The following SLC6A6 variants were observed in gnomAD, a reference collection of about 807,000 sequenced individuals.
SLC6A6 encodes sodium- and chloride-dependent taurine transporter.
In SLC6A6, 16 loss-of-function variants were observed where a neutral mutation model predicts 68.8. The observed-to-expected ratio is 0.23, with a 90% confidence interval of 0.16 to 0.35. The LOEUF is 0.35. Ranked by LOEUF, SLC6A6 falls within the 10% of genes least tolerant of loss-of-function variation. The pLI is 1.00. For synonymous variants in SLC6A6, 312 were observed against 315.4 expected, an observed-to-expected ratio of 0.99 and a Z score of 0.12; for missense variants, 474 against 802.8, an observed-to-expected ratio of 0.59 and a Z score of 4.95.
In SLC6A6 at chr3:14,477,277, C is replaced by T. The variant is rs981370054; in HGVS notation, c.1282C>T (p.Arg428Trp). The change falls in exon 11 of 15, where the codon CGG becomes TGG. Residue 428 changes from arginine to tryptophan, a missense_variant. Physicochemically the swap from Arg to Trp is moderately radical, Grantham distance 101. Transcript: ENST00000622186. This position sits in a 1 kb window ranked among gnomAD's most constrained non-coding sequence, Gnocchi z 4.2. ...ATCCTTCCTAAGGAAGGGTTATCGT[C>T]GGGAAATCTTCATCGCCTTCGTGTG... ...YPSFLRKGYR[R>W]EIFIAFVCSI... The T allele has an allele frequency of 3.1e-6, 5 of 1,613,760 alleles. No individual in the cohort carries two copies. Among genetic ancestry groups the T allele is most frequent in the South Asian group, 1.1e-5 (1 of 91,080 alleles).
intron 2 of SLC6A6, among the ~76,000 whole-genome samples, chr3:14,439,304 T>C (rs1699929723): frequency 1.3e-5 from 2 of 152,240 alleles, no homozygotes; most frequent in Admixed American, 1.3e-4. Context: ...AATAGGAAAC[T>C]GTGTTCATAA....
chr3:14,447,961 CT>C, intron 5 of SLC6A6, 145 bp downstream of exon 5: 1 of 1,455,606 alleles, frequency 6.9e-7, no homozygotes, highest in Non-Finnish European at 9.0e-7. Flanking sequence ...AAATTTATGC[CT>C]TTGGCCATAG....
rs573442724 is a variant in SLC6A6, at chr3:14,450,265, T to C, written c.599+2449T>C. ...GGTCCTCAGGTTGGCCAGTCCTCAC[T>C]CACACCTTCCAGAGGGACCGGGCCC... On this transcript the variant is annotated intron_variant, in intron 5 of 14. Coordinates refer to ENST00000622186, the MANE Select transcript of SLC6A6 (RefSeq NM_003043.6). This position sits in a 1 kb window ranked among gnomAD's most constrained non-coding sequence, Gnocchi z 4.1. 5.9e-5 allele frequency among the ~76,000 whole-genome samples: 9 copies of C among 152,218 alleles called. No individual in the cohort carries two copies. Among genetic ancestry groups the C allele is most frequent in the Admixed American group, 5.2e-4 (8 of 15,288 alleles).
At chr3:14,451,930 G>A (rs768034200) in intron 5 of SLC6A6, among the ~76,000 whole-genome samples, 11 of 152,324 alleles carry the variant, frequency 7.2e-5, no homozygotes, top group Non-Finnish European at 1.6e-4. Flanking sequence ...CCCAGCCCCA[G>A]CTGTTGCTTC....
intron 6 of SLC6A6, among the ~76,000 whole-genome samples, chr3:14,462,567 C>T (rs1002877280): frequency 6.6e-6 from 1 of 152,044 alleles, no homozygotes; most frequent in Admixed American, 6.5e-5. Flanking sequence ...GGCATCGTGG[C>T]GCGTACCTGT....
In SLC6A6 at chr3:14,477,214, G is replaced by A. The variant is rs1482196989; in HGVS notation, c.1219G>A (p.Val407Ile). The A allele has an allele frequency of 6.2e-7, 1 of 1,612,912 alleles. No individual in the cohort carries two copies. The highest frequency in any genetic ancestry group is 2.2e-5 in the East Asian group (1 of 44,858). Residue 407 changes from valine (V) to isoleucine (I), a missense_variant, in exon 11 of 15, where the codon GTT becomes ATT. By Grantham distance (29) the Val-to-Ile change is conservative. Transcript: ENST00000622186. The surrounding 1 kb of genome is among the most constrained non-coding windows in gnomAD (Gnocchi z 4.2). ...CTCTTCCCCTCCTCAGTTTGTTGAA[G>A]TTGAAGGACAGATCACATCCTTGGT... ...LLGLDSQFVE[V>I]EGQITSLVDL... is the part of the protein sequence containing the mutation.
At chr3:14,457,320 CTG>C (rs1249016806) in intron 5 of SLC6A6, among the ~76,000 whole-genome samples, 1 of 152,194 alleles carries the variant, frequency 6.6e-6, no homozygotes, top group East Asian at 1.9e-4. Flanking sequence ...TAGGTGCCGG[CTG>C]TGTGCCTGAA....
At chr3:14,444,972 G>T (rs1223494046) in intron 3 of SLC6A6, 1 of 406,838 alleles carries the variant, frequency 2.5e-6, no homozygotes, top group East Asian at 7.2e-5. Context: ...CTTCCTAGCT[G>T]GTGCTTTTCT....
intron 14 of SLC6A6, among the ~76,000 whole-genome samples, chr3:14,484,125 G>T (rs759724831): frequency 6.6e-6 from 1 of 152,202 alleles, no homozygotes; most frequent in Non-Finnish European, 1.5e-5. Flanking sequence ...GGCAAGAGGT[G>T]GACTGGGGAG....
At chr3:14,439,382 T>G (rs1487491033) in intron 2 of SLC6A6, among the ~76,000 whole-genome samples, 2 of 152,230 alleles carry the variant, frequency 1.3e-5, no homozygotes, top group East Asian at 3.8e-4. Context: ...AAAGGGATAT[T>G]GTGGCAAGCC....
chr3:14,476,799 T>C (rs542352493), intron 10 of SLC6A6, among the ~76,000 whole-genome samples: 4 of 152,070 alleles, frequency 2.6e-5, no homozygotes, highest in African/African-American at 9.6e-5. Context: ...GTGAGGGAGG[T>C]TGTCATGGCA....
rs1699059744 is a variant in SLC6A6 at position 14,404,392 on chromosome 3, G to GGGCCTA, written c.-54+1547_-54+1552dup. ...GATGGTGTTGGAGAGGATCCAAAGG[G>GGGCCTA]GGCCTAGCACGGCTAAGAACCCCCA... On this transcript the variant is annotated intron_variant, in intron 1 of 14. Transcript: ENST00000622186. Among the ~76,000 whole-genome samples the GGGCCTA allele has an allele frequency of 2.0e-5, 3 of 152,110 alleles. No individual in the cohort carries two copies. The South Asian group carries it at 6.2e-4, about 32-fold the overall frequency.
intron 2 of SLC6A6, among the ~76,000 whole-genome samples, chr3:14,425,274 T>C (rs1699569075): frequency 6.6e-6 from 1 of 152,184 alleles, no homozygotes; most frequent in South Asian, 2.1e-4. Context: ...AGGGGTGCAG[T>C]GTTAGGTTCC....
intron 6 of SLC6A6, among the ~76,000 whole-genome samples, chr3:14,459,573 A>G (rs1352428114): frequency 6.6e-6 from 1 of 152,110 alleles, no homozygotes; most frequent in Non-Finnish European, 1.5e-5. Flanking sequence ...GCCCGTGCCC[A>G]CCAGTGAGCA....
intron 2 of SLC6A6, among the ~76,000 whole-genome samples, chr3:14,438,218 GTT>G (rs202033964): frequency 1.4e-5 from 2 of 147,022 alleles, no homozygotes; most frequent in Non-Finnish European, 1.5e-5. Flanking sequence ...CAATGTGGCT[GTT>G]TTTTTTTTTT....
chr3:14,457,245 G>A (rs13320852), intron 5 of SLC6A6, among the ~76,000 whole-genome samples: 2,523 of 152,216 alleles, frequency 0.017, 74 homozygotes, highest in African/African-American at 0.057. Context: ...CCTTAAAACC[G>A]TTTACCTGCC....
In SLC6A6 at chr3:14,450,160, A is replaced by ATCC. The variant is rs771854369; in HGVS notation, c.599+2347_599+2349dup. Reference sequence around the variant, plus strand: ...AATCACCCCCTATTGTAAAGGGGTCATCCTCTTCTGGGCTCTGCTTGTCTC... The same window carrying ATCC: ...AATCACCCCCTATTGTAAAGGGGTCATCCTCCTCTTCTGGGCTCTGCTTGTCTC... On this transcript the variant is annotated intron_variant, in intron 5 of 14. Coordinates refer to ENST00000622186, the MANE Select transcript of SLC6A6 (RefSeq NM_003043.6). The surrounding 1 kb of genome is among the most constrained non-coding windows in gnomAD (Gnocchi z 4.1). Among the ~76,000 whole-genome samples, 7 of 152,000 alleles carry ATCC rather than the reference A, an allele frequency of 4.6e-5. No individual in the cohort carries two copies. The highest frequency in any genetic ancestry group is 1.0e-4 in the Non-Finnish European group (7 of 67,986).
chr3:14,405,925 C>T (rs1385836482), intron 1 of SLC6A6, among the ~76,000 whole-genome samples: 1 of 152,116 alleles, frequency 6.6e-6, no homozygotes, highest in Non-Finnish European at 1.5e-5. Context: ...GAAGAAGACC[C>T]AAGGAGCAGC....
At chr3:14,441,311 C>T (rs550720812) in intron 2 of SLC6A6, among the ~76,000 whole-genome samples, 7 of 152,230 alleles carry the variant, frequency 4.6e-5, no homozygotes, top group South Asian at 2.1e-4. Flanking sequence ...ATGCGCCCAC[C>T]GAGCCAGCCC....
Sources: allele counts gnomAD v4.1 joint callset (sites outside exome capture counted in the v4.1 genomes callset), GRCh38; gene constraint gnomAD v4.1.1; non-coding constraint Gnocchi (gnomAD v3.1); transcripts MANE v1.5; gene names NCBI Gene and HGNC (gene_info 2026-07-23, HGNC 2026-07-21).